PTK2: variants seen among roughly 807,000 people sequenced by gnomAD.
The protein encoded by PTK2 is protein tyrosine kinase 2.
Under a neutral mutation model 150.1 loss-of-function variants are expected in PTK2, and 45 were observed. The ratio of observed to expected loss-of-function variants is 0.30; its 90% CI spans 0.24 to 0.38. The LOEUF (loss-of-function observed/expected upper bound fraction) is 0.38. PTK2 is among the 10% of genes least tolerant of loss of function. PTK2 has a pLI of 1.00. For missense variants in PTK2, 919 were observed against 1,307.3 expected (o/e 0.70, Z 4.58); for synonymous variants, 432 against 449.2 (o/e 0.96, Z 0.48).
intron 2 of PTK2, among the ~76,000 whole-genome samples, chr8:140,902,739 T>C (rs1280847081): frequency 6.6e-6 from 1 of 152,198 alleles, no homozygotes; most frequent in East Asian, 1.9e-4. Flanking sequence ...CATATGTTTA[T>C]TGGCCACATA....
intron 2 of PTK2, among the ~76,000 whole-genome samples, chr8:140,903,403 T>A (rs1353511640): frequency 6.6e-6 from 1 of 152,176 alleles, no homozygotes; most frequent in African/African-American, 2.4e-5. Context: ...TGGGATACTG[T>A]AGCCTTGTAG....
chr8:140,882,360 A>G (rs1287480460), intron 3 of PTK2, among the ~76,000 whole-genome samples: 1 of 152,178 alleles, frequency 6.6e-6, no homozygotes, highest in Non-Finnish European at 1.5e-5. Context: ...ACACACACGT[A>G]CATTTAGAAT....
intron 1 of PTK2, among the ~76,000 whole-genome samples, chr8:140,982,730 T>C (rs566786151): frequency 1.7e-4 from 26 of 152,356 alleles, no homozygotes; most frequent in African/African-American, 5.1e-4. Context: ...ATGAATTATG[T>C]CACATTTTAG....
intron 23 of PTK2, among the ~76,000 whole-genome samples, chr8:140,715,379 C>T (rs568525749): frequency 6.6e-6 from 1 of 151,824 alleles, no homozygotes; most frequent in Non-Finnish European, 1.5e-5. Flanking sequence ...ACCATGTTGG[C>T]CAGGCTGGTC....
chr8:140,726,709 C>T (rs1408235478), intron 22 of PTK2, among the ~76,000 whole-genome samples: 5 of 152,070 alleles, frequency 3.3e-5, no homozygotes, highest in Non-Finnish European at 7.4e-5. Flanking sequence ...ATAGAATTCA[C>T]CACCAACTGA....
At chr8:140,694,976 C>T (rs1039382685) in intron 26 of PTK2, among the ~76,000 whole-genome samples, 4 of 151,836 alleles carry the variant, frequency 2.6e-5, no homozygotes, top group Non-Finnish European at 5.9e-5. Flanking sequence ...CCCAGTGCAC[C>T]AAGCTTTCCA....
intron 2 of PTK2, among the ~76,000 whole-genome samples, chr8:140,900,795 T>C (rs2100158159): frequency 6.6e-6 from 1 of 151,724 alleles, no homozygotes; most frequent in South Asian, 2.1e-4. Context: ...TGTTAAAGGA[T>C]TGGAAAAATT....
Position 140,818,386 on chromosome 8 carries a change from T to C in PTK2, c.790-32A>G, listed in dbSNP as rs986742706. ...AAGGTGAAACAAGTGAGAACAGAGGTGGCAGAAGGAAAAAAGAAATACTTT... is the reference window on the plus strand; with the variant it reads ...AAGGTGAAACAAGTGAGAACAGAGGCGGCAGAAGGAAAAAAGAAATACTTT... On this transcript the variant is annotated intron_variant, in intron 9 of 31. Transcript: ENST00000522684. The C allele has an allele frequency of 5.7e-6, 9 of 1,567,788 alleles. No individual in the cohort carries two copies. The African/African-American group carries it at 1.1e-4, about 19-fold the overall frequency.
At chr8:140,988,447 T>C (rs1008052289) in intron 1 of PTK2, among the ~76,000 whole-genome samples, 1 of 152,106 alleles carries the variant, frequency 6.6e-6, no homozygotes. Context: ...GACACCCACA[T>C]GGCTGGGCAT....
exon 32 of PTK2, chr8:140,659,547 G>A (rs756520755): frequency 1.9e-5 from 30 of 1,613,954 alleles, no homozygotes; most frequent in Non-Finnish European, 2.5e-5. Context: ...CCACAGCCAG[G>A]GCGTGAGCAG....
chr8:140,783,885 G>A (rs191355129), intron 14 of PTK2, among the ~76,000 whole-genome samples: 145 of 152,240 alleles, frequency 9.5e-4, no homozygotes, highest in African/African-American at 3.4e-3. Flanking sequence ...AGGGCCAGGC[G>A]TGGTGGCTCA....
intron 1 of PTK2, among the ~76,000 whole-genome samples, chr8:140,960,027 A>C (rs1421334077): frequency 2.0e-5 from 3 of 151,826 alleles, no homozygotes; most frequent in Non-Finnish European, 4.4e-5. Context: ...AAAGAAAAAA[A>C]AAAAAATCCA....
rs1486205583 is a variant in PTK2, at chr8:140,702,714, A to T, written c.2230-7T>A. On this transcript the variant is annotated splice_region_variant and splice_polypyrimidine_tract_variant and intron_variant, in intron 24 of 31. Coordinates refer to ENST00000522684, the Ensembl canonical transcript of PTK2. Reference sequence around the variant, plus strand: ...AACCAGGGTAGCCAGAAACCTGTGAATGAGTAAGGAGGCAAGGTAATGTTC... The same window carrying T: ...AACCAGGGTAGCCAGAAACCTGTGATTGAGTAAGGAGGCAAGGTAATGTTC... 1.9e-6 allele frequency: 3 copies of T among 1,613,244 alleles called. No homozygotes were observed. Among genetic ancestry groups the T allele is most frequent in the Non-Finnish European group, 2.5e-6 (3 of 1,179,272 alleles).
rs879216797 is a variant in PTK2 at position 140,879,562 on chromosome 8, G to A, written c.271C>T (p.Arg91Trp). Reference sequence around the variant, plus strand: ...TGAAGCCAGTGAACCTCCTCTGACCGCAGGTGACTGAGGCGGAATCCATAG... The same window carrying A: ...TGAAGCCAGTGAACCTCCTCTGACCACAGGTGACTGAGGCGGAATCCATAG... Residue 91 changes from arginine to tryptophan, a missense_variant, in exon 4 of 32, where the codon CGG (arginine) becomes TGG (tryptophan). Transcript: ENST00000522684. 14 of 1,611,766 alleles carry A rather than the reference G, an allele frequency of 8.7e-6. No homozygotes were observed. The highest frequency in any genetic ancestry group is 2.7e-5 in the African/African-American group (2 of 74,330).
At chr8:140,704,921 G>C (rs954441865) in intron 24 of PTK2, among the ~76,000 whole-genome samples, 2 of 152,100 alleles carry the variant, frequency 1.3e-5, no homozygotes, top group Non-Finnish European at 2.9e-5. Flanking sequence ...AACATTCAGT[G>C]CAACCTTGCT....
chr8:140,961,349 T>C (rs1442487811), intron 1 of PTK2, among the ~76,000 whole-genome samples: 1 of 152,100 alleles, frequency 6.6e-6, no homozygotes, highest in Non-Finnish European at 1.5e-5. Flanking sequence ...AAATTCCAAA[T>C]GCAAAGTTTC....
chr8:140,785,703 A>G (rs1333718299), intron 14 of PTK2, among the ~76,000 whole-genome samples: 1 of 152,204 alleles, frequency 6.6e-6, no homozygotes, highest in Non-Finnish European at 1.5e-5. Flanking sequence ...CAGGCAATAG[A>G]GCCTAGAGGG....
intron 16 of PTK2, among the ~76,000 whole-genome samples, chr8:140,756,825 T>C (rs968910543): frequency 2.7e-5 from 4 of 150,202 alleles, no homozygotes; most frequent in African/African-American, 9.8e-5. Context: ...CCATCTCTAC[T>C]AAAAATACAA....
intron 10 of PTK2, among the ~76,000 whole-genome samples, chr8:140,813,842 T>A (rs1439186543): frequency 6.6e-6 from 1 of 151,820 alleles, no homozygotes; most frequent in Non-Finnish European, 1.5e-5. Flanking sequence ...GGAAAAACCA[T>A]TCCTGCCTGT....
Sources: gnomAD v4.1 joint callset for allele counts (sites outside exome capture counted in the v4.1 genomes callset) on GRCh38, gnomAD v4.1.1 for gene constraint, MANE v1.5 for transcripts, NCBI Gene and HGNC (gene_info 2026-07-23, HGNC 2026-07-21) for gene names.